Variants in SCAI observed in about 807,000 individuals in gnomAD.
The protein encoded by SCAI is suppressor of cancer cell invasion.
SCAI carries 24 observed loss-of-function variants against 92.2 expected under a neutral mutation model. The ratio of observed to expected loss-of-function variants is 0.26; its 90% CI spans 0.19 to 0.37. SCAI has a LOEUF of 0.37. Ranked by LOEUF, SCAI falls within the 10% of genes least tolerant of loss-of-function variation. SCAI has a pLI of 1.00. For synonymous variants in SCAI, 261 were observed against 258.6 expected (o/e 1.01, Z -0.09); for missense variants, 450 against 736.2 (o/e 0.61, Z 4.50).
At chr9:125,104,316 G>A (rs976950201) in intron 2 of SCAI, among the ~76,000 whole-genome samples, 2 of 152,100 alleles carry the variant, frequency 1.3e-5, no homozygotes, top group African/African-American at 2.4e-5. Context: ...CATGTTTCAC[G>A]GAGGTACCTA....
intron 14 of SCAI, among the ~76,000 whole-genome samples, chr9:124,988,384 A>G (rs1447114246): frequency 1.3e-5 from 2 of 152,030 alleles, no homozygotes; most frequent in Non-Finnish European, 2.9e-5. Context: ...AGGCAAAAAC[A>G]AGCAGAAACA....
chr9:125,011,268 G>A (rs1303666078), intron 9 of SCAI, among the ~76,000 whole-genome samples: 2 of 152,198 alleles, frequency 1.3e-5, no homozygotes, highest in African/African-American at 4.8e-5. Flanking sequence ...CAAAGGCAAA[G>A]AAGTTGAAAA....
intron 14 of SCAI, among the ~76,000 whole-genome samples, chr9:124,985,857 C>T (rs1231261140): frequency 1.4e-5 from 2 of 143,248 alleles, no homozygotes; most frequent in Non-Finnish European, 3.0e-5. Flanking sequence ...GAGTGAAACT[C>T]TGTCTCAATA....
At chr9:124,961,945 T>C (rs1332493054) in intron 17 of SCAI, among the ~76,000 whole-genome samples, 1 of 151,740 alleles carries the variant, frequency 6.6e-6, no homozygotes, top group Non-Finnish European at 1.5e-5. Flanking sequence ...AGGTATCCTT[T>C]CCCCTCAGTG....
intron 17 of SCAI, among the ~76,000 whole-genome samples, chr9:124,954,719 C>T (rs917768586): frequency 6.6e-6 from 1 of 152,082 alleles, no homozygotes; most frequent in East Asian, 1.9e-4. Flanking sequence ...ATTTCGTCAC[C>T]CCCAAAAGAA....
intron 13 of SCAI, 145 bp downstream of exon 13, chr9:124,999,746 A>G: frequency 1.9e-6 from 1 of 537,038 alleles, no homozygotes; most frequent in Non-Finnish European, 3.2e-6. Flanking sequence ...CTGGAATCCA[A>G]ATAAGTGTTT....
chr9:125,097,737 C>T (rs1196277469), intron 2 of SCAI, among the ~76,000 whole-genome samples: 1 of 151,488 alleles, frequency 6.6e-6, no homozygotes, highest in Non-Finnish European at 1.5e-5. Flanking sequence ...TTGTTACTGG[C>T]AAAATGCATT....
chr9:124,968,944 GAAAAA>G, intron 17 of SCAI: 2 of 249,670 alleles, frequency 8.0e-6, no homozygotes, highest in Non-Finnish European at 7.4e-6. Flanking sequence ...TTATTTTTTG[GAAAAA>G]AAAAAAAAAA....
chr9:124,943,666 G>A lies in SCAI; in HGVS notation c.*9141C>T, dbSNP rs1831095397. Reference sequence around the variant, plus strand: ...AATTACTTCTATGATTTAAACAAGTGCATTTCTGCCTAATAATCAGAATGT... The same window carrying A: ...AATTACTTCTATGATTTAAACAAGTACATTTCTGCCTAATAATCAGAATGT... On this transcript the variant is annotated 3_prime_UTR_variant, in exon 18 of 18. Coordinates refer to ENST00000336505, the MANE Select transcript of SCAI (RefSeq NM_001144877.3). The A allele has an allele frequency of 6.6e-6, 1 of 152,136 alleles. No homozygotes were observed. 9.4% of individuals were successfully genotyped at this position (152,136 alleles called of 1,614,324 possible). A position where few individuals can be genotyped will look rare whatever the true frequency, so the allele number is the denominator to read the frequency against.
At chr9:125,131,143 C>T (rs1835391416) in intron 2 of SCAI, among the ~76,000 whole-genome samples, 1 of 151,412 alleles carries the variant, frequency 6.6e-6, no homozygotes, top group Admixed American at 6.6e-5. Flanking sequence ...CAGTGGCTCA[C>T]GCCTGTAATC....
In SCAI at chr9:124,971,737, A is replaced by T. The variant is rs896091784; in HGVS notation, c.1507T>A (p.Cys503Ser). 1.2e-6 allele frequency: 2 copies of T among 1,612,382 alleles called. No individual in the cohort carries two copies. Among genetic ancestry groups the T allele is most frequent in the Admixed American group, 1.7e-5 (1 of 59,348 alleles). ...SSMRRGLWEK[C>S]QEYLRKINRD... Reference sequence around the variant, plus strand: ...TTGATTTTTCGAAGATATTCTTGACACTTTTCCCATAGGCCTCTGCGCATG... The same window carrying T: ...TTGATTTTTCGAAGATATTCTTGACTCTTTTCCCATAGGCCTCTGCGCATG... Residue 503 changes from cysteine to serine, a missense_variant, in exon 16 of 18, where the codon TGT becomes AGT. Physicochemically the swap from Cys to Ser is moderately radical, Grantham distance 112. This residue lies in a region of SCAI where 360 missense variants were observed against 601.8 expected (regional missense o/e 0.60). Transcript: ENST00000336505.
In SCAI at chr9:124,952,575, C is replaced by CA; in HGVS notation, c.*231dup. 1 of 391,742 alleles carries CA rather than the reference C, an allele frequency of 2.6e-6. No homozygotes were observed. The highest frequency in any genetic ancestry group is 4.5e-6 in the Non-Finnish European group (1 of 221,418). 24.3% of individuals were successfully genotyped at this position (391,742 alleles called of 1,614,324 possible). On this transcript the variant is annotated 3_prime_UTR_variant, in exon 18 of 18. Transcript: ENST00000336505. ...AAGTTGGAGGTAAATATCCATCCCT[C>CA]AAAATCAAAAAATAAAAATTCCAAG...
At chr9:125,095,592 T>C (rs185081630) in intron 2 of SCAI, among the ~76,000 whole-genome samples, 2 of 152,350 alleles carry the variant, frequency 1.3e-5, no homozygotes, top group East Asian at 3.9e-4. Context: ...CTAGTCTTCC[T>C]TGCATCCAGG....
At chr9:125,038,410 T>C (rs1833247020) in intron 3 of SCAI, among the ~76,000 whole-genome samples, 1 of 152,204 alleles carries the variant, frequency 6.6e-6, no homozygotes, top group Non-Finnish European at 1.5e-5. Flanking sequence ...TCACCAAGCC[T>C]GTAATACCAT....
At chr9:124,955,781 A>G (rs974540336) in intron 17 of SCAI, among the ~76,000 whole-genome samples, 1 of 152,204 alleles carries the variant, frequency 6.6e-6, no homozygotes, top group African/African-American at 2.4e-5. Context: ...CAGTGCCTAC[A>G]GGAATAAAAG....
At chr9:125,028,020 T>A (rs1390908739) in intron 5 of SCAI, among the ~76,000 whole-genome samples, 5 of 152,232 alleles carry the variant, frequency 3.3e-5, no homozygotes, top group African/African-American at 1.2e-4. Flanking sequence ...TTTTAAAGTA[T>A]CCTTCTGAAA....
At chr9:124,983,298 A>C (rs956976574) in intron 14 of SCAI, among the ~76,000 whole-genome samples, 1 of 152,182 alleles carries the variant, frequency 6.6e-6, no homozygotes, top group Non-Finnish European at 1.5e-5. Flanking sequence ...ACAACAGTAA[A>C]CAAAACAGAA....
chr9:125,016,574 G>A (rs1209361791), intron 9 of SCAI, among the ~76,000 whole-genome samples: 4 of 152,036 alleles, frequency 2.6e-5, no homozygotes, highest in Non-Finnish European at 5.9e-5. Flanking sequence ...GAAGTCAGAA[G>A]TATCAGCATA....
intron 9 of SCAI, among the ~76,000 whole-genome samples, chr9:125,008,532 C>T (rs1345965784): frequency 4.6e-5 from 7 of 151,966 alleles, no homozygotes; most frequent in Non-Finnish European, 8.8e-5. Context: ...TGGAAAAATC[C>T]AGAGCTAAGA....
Sources: allele counts gnomAD v4.1 joint callset (sites outside exome capture counted in the v4.1 genomes callset), GRCh38; gene constraint gnomAD v4.1.1; regional missense constraint gnomAD v4.1.1; transcripts MANE v1.5; gene names NCBI Gene and HGNC (gene_info 2026-07-23, HGNC 2026-07-21).